BMPR1A: variants seen among roughly 807,000 people sequenced by gnomAD.
BMPR1A encodes bone morphogenetic protein receptor type 1A.
A neutral mutation model predicts 66.0 loss-of-function variants in BMPR1A; 7 were observed. The ratio of observed to expected loss-of-function variants is 0.11; its 90% CI spans 0.06 to 0.20. The LOEUF is 0.20. Ranked by LOEUF, BMPR1A falls within the 10% of genes least tolerant of loss-of-function variation. The probability of loss-of-function intolerance (pLI) is 1.00; values close to 1 mark genes in which losing one functional copy is unlikely to be tolerated. For missense variants in BMPR1A, 408 were observed against 669.1 expected, an observed-to-expected ratio of 0.61 and a Z score of 4.31; for synonymous variants, 200 against 229.7, an observed-to-expected ratio of 0.87 and a Z score of 1.17.
At chr10:86,763,820 C>T in intron 1 of BMPR1A, among the ~76,000 whole-genome samples, 1 of 123,206 alleles carries the variant, frequency 8.1e-6, no homozygotes, top group Non-Finnish European at 1.6e-5. Context: ...GAGACGGAGT[C>T]TCGCTCTGTC....
intron 1 of BMPR1A, among the ~76,000 whole-genome samples, chr10:86,757,213 T>C (rs1394713596): frequency 6.6e-6 from 1 of 152,090 alleles, no homozygotes; most frequent in African/African-American, 2.4e-5. Context: ...GGGACGCTTC[T>C]GGAATCCTTA....
chr10:86,794,808 T>TTATCTATATCTA (rs200027176), intron 1 of BMPR1A, among the ~76,000 whole-genome samples: 1 of 150,726 alleles, frequency 6.6e-6, no homozygotes. Context: ...AAATTCAAAT[T>TTATCTATATCTA]TATCTATATC....
intron 2 of BMPR1A, among the ~76,000 whole-genome samples, chr10:86,847,620 T>C (rs1367382865): frequency 6.6e-6 from 1 of 151,872 alleles, no homozygotes; most frequent in Non-Finnish European, 1.5e-5. Flanking sequence ...GAGGCCAAGG[T>C]GGGAGGATTG....
rs183972491 is a variant in BMPR1A, at chr10:86,923,293, T to C, written c.1343-83T>C. On this transcript the variant is annotated intron_variant, in intron 11 of 12. Coordinates refer to ENST00000372037, the MANE Select transcript of BMPR1A (RefSeq NM_004329.3). ...TGTGTAAGAATCCGTTTTAGTTCCATAGTTTAGCAAAAGATGCTTACTAGA... is the reference window on the plus strand; with the variant it reads ...TGTGTAAGAATCCGTTTTAGTTCCACAGTTTAGCAAAAGATGCTTACTAGA... 30 of 1,574,938 alleles carry C rather than the reference T, an allele frequency of 1.9e-5. No homozygotes were observed. In the Middle Eastern group the frequency reaches 6.5e-4, roughly 34 times the overall value.
intron 1 of BMPR1A, among the ~76,000 whole-genome samples, chr10:86,831,093 T>C (rs1842261496): frequency 1.3e-5 from 2 of 152,200 alleles, no homozygotes; most frequent in South Asian, 4.1e-4. Flanking sequence ...AATGTTCCAC[T>C]GCATGGATAA....
At chr10:86,762,436 G>T (rs531051436) in intron 1 of BMPR1A, among the ~76,000 whole-genome samples, 63 of 152,262 alleles carry the variant, frequency 4.1e-4, no homozygotes, top group African/African-American at 1.5e-3. Context: ...TGGGCTCACT[G>T]CAACCTCCGC....
At position 86,892,262 on chromosome 10, in the gene BMPR1A, A is replaced by G. The variant is rs779367077; in HGVS notation, c.333+33A>G. On this transcript the variant is annotated intron_variant, in intron 5 of 12. Coordinates refer to ENST00000372037, the MANE Select transcript of BMPR1A (RefSeq NM_004329.3). ...ATAATTTGGGACCCATGAGACAAAG[A>G]AGGGAGGGGCCATATGAAAGCATCG... The G allele has an allele frequency of 1.1e-5, 17 of 1,546,160 alleles. No homozygotes were observed. The Admixed American group carries it at 2.3e-4, about 21-fold the overall frequency.
In BMPR1A at chr10:86,925,624, C is replaced by T. The variant is rs568792060; in HGVS notation, c.*1905C>T. 37 of 193,304 alleles carry T rather than the reference C, an allele frequency of 1.9e-4. No individual in the cohort carries two copies. Among genetic ancestry groups the T allele is most frequent in the Non-Finnish European group, 2.5e-4 (23 of 93,334 alleles). 12.0% of individuals were successfully genotyped at this position (193,304 alleles called of 1,614,324 possible). A position where few individuals can be genotyped will look rare whatever the true frequency, so the allele number is the denominator to read the frequency against. On this transcript the variant is annotated 3_prime_UTR_variant, in exon 13 of 13. Coordinates refer to ENST00000372037, the MANE Select transcript of BMPR1A (RefSeq NM_004329.3). ...TGAGAAATACAAATATTTTAATCTG[C>T]GTTGCCGTATGATATGATTGCACTT...
At chr10:86,818,711 C>T (rs1842072212) in intron 1 of BMPR1A, among the ~76,000 whole-genome samples, 1 of 152,124 alleles carries the variant, frequency 6.6e-6, no homozygotes, top group African/African-American at 2.4e-5. Flanking sequence ...TATTGAGCAG[C>T]AGTTACATAT....
chr10:86,844,983 C>T (rs1181286051), intron 2 of BMPR1A, among the ~76,000 whole-genome samples: 1 of 152,130 alleles, frequency 6.6e-6, no homozygotes, highest in Non-Finnish European at 1.5e-5. Context: ...GCCATGTTGG[C>T]CAGGCTGGTC....
intron 1 of BMPR1A, among the ~76,000 whole-genome samples, chr10:86,813,283 A>G (rs1431688711): frequency 6.6e-6 from 1 of 152,060 alleles, no homozygotes; most frequent in East Asian, 1.9e-4. Context: ...TCCCCTCACT[A>G]CCTTATAAAA....
At chr10:86,780,857 A>G (rs2168727) in intron 1 of BMPR1A, among the ~76,000 whole-genome samples, 42,284 of 151,884 alleles carry the variant, frequency 0.28, 7,391 homozygotes, top group East Asian at 0.72. Flanking sequence ...CACATTAAAA[A>G]AGTAAAAATA....
intron 1 of BMPR1A, among the ~76,000 whole-genome samples, chr10:86,798,578 A>G (rs1450747079): frequency 6.6e-6 from 1 of 152,244 alleles, no homozygotes; most frequent in African/African-American, 2.4e-5. Context: ...TCTCTAGGAC[A>G]TATAAAATAT....
chr10:86,866,399 C>CTTTTTTTTTTTCTTTTT (rs1589752897), intron 2 of BMPR1A, among the ~76,000 whole-genome samples: 14 of 69,478 alleles, frequency 2.0e-4, no homozygotes, highest in African/African-American at 4.3e-4. Flanking sequence ...AAGTTTCTTT[C>CTTTTTTTTTTTCTTTTT]TTTTTTTTTT....
intron 2 of BMPR1A, among the ~76,000 whole-genome samples, chr10:86,848,661 A>G (rs1842520846): frequency 6.6e-6 from 1 of 152,040 alleles, no homozygotes; most frequent in Admixed American, 6.5e-5. Flanking sequence ...ATATTCTTCT[A>G]TTTTTAAACA....
intron 2 of BMPR1A, among the ~76,000 whole-genome samples, chr10:86,866,399 C>CTTTTTTTTTTTTCTTTTTTTTTTTTTTTT (rs1842785864): frequency 1.3e-4 from 9 of 69,476 alleles, no homozygotes; most frequent in African/African-American, 4.3e-4. Context: ...AAGTTTCTTT[C>CTTTTTTTTTTTTCTTTTTTTTTTTTTTTT]TTTTTTTTTT....
Position 86,790,175 on chromosome 10 carries a change from AAAAAAAAAAAAAAATATATAT to A in BMPR1A, c.-268+33258_-268+33278del, listed in dbSNP as rs1352496596. ...AGACTCTGTCTCCAAAAAAAAAAAA[AAAAAAAAAAAAAAATATATAT>A]ATATATATATATATATATATATATA... On this transcript the variant is annotated intron_variant, in intron 1 of 12. Coordinates refer to ENST00000372037, the MANE Select transcript of BMPR1A (RefSeq NM_004329.3). 1.7e-3 allele frequency among the ~76,000 whole-genome samples: 71 copies of A among 41,126 alleles called. 7 individuals are homozygous for A. Among genetic ancestry groups the A allele is most frequent in the African/African-American group, 6.6e-3 (58 of 8,848 alleles). 27.0% of individuals were successfully genotyped at this position (41,126 alleles called of 152,430 possible). A position where few individuals can be genotyped will look rare whatever the true frequency, so the allele number is the denominator to read the frequency against.
At chr10:86,763,710 C>T (rs1841113710) in intron 1 of BMPR1A, among the ~76,000 whole-genome samples, 1 of 150,966 alleles carries the variant, frequency 6.6e-6, no homozygotes, top group Non-Finnish European at 1.5e-5. Context: ...TTTCTTTAGC[C>T]TTTGGGTAAA....
At chr10:86,862,648 G>A (rs140433722) in intron 2 of BMPR1A, among the ~76,000 whole-genome samples, 3,247 of 152,252 alleles carry the variant, frequency 0.021, 74 homozygotes, top group Non-Finnish European at 0.026. Context: ...GTAGTAGGAA[G>A]TGTGTGGGTT....
Sources: allele counts gnomAD v4.1 joint callset (sites outside exome capture counted in the v4.1 genomes callset), GRCh38; gene constraint gnomAD v4.1.1; transcripts MANE v1.5; gene names NCBI Gene and HGNC (gene_info 2026-07-23, HGNC 2026-07-21).